Variants in PHKB observed in about 807,000 individuals in gnomAD.
PHKB encodes phosphorylase kinase regulatory subunit beta.
A neutral mutation model predicts 152.1 loss-of-function variants in PHKB; 122 were observed. The ratio of observed to expected loss-of-function variants is 0.80; its 90% CI spans 0.69 to 0.93. PHKB has a LOEUF of 0.93. PHKB is among the 40% of genes least tolerant of loss of function. The pLI, the probability that PHKB is intolerant of heterozygous loss-of-function variation, is 0.00. For missense variants in PHKB, 1,304 were observed against 1,328.4 expected (o/e 0.98, Z 0.29); for synonymous variants, 436 against 464.9 (o/e 0.94, Z 0.80).
intron 6 of PHKB, 101 bp from the exon 7 acceptor site, chr16:47,547,332 C>T: frequency 2.7e-6 from 2 of 733,778 alleles, no homozygotes; most frequent in South Asian, 1.4e-5. Context: ...AATCCCTCCC[C>T]TCAGCCTCCC....
intron 14 of PHKB, among the ~76,000 whole-genome samples, chr16:47,634,621 G>C (rs1362169696): frequency 1.3e-5 from 2 of 152,310 alleles, no homozygotes; most frequent in Middle Eastern, 3.4e-3. Flanking sequence ...TATGTGGCAG[G>C]GATGATGGTT....
chr16:47,613,792 T>C (rs1016334356), intron 14 of PHKB, among the ~76,000 whole-genome samples: 1 of 152,196 alleles, frequency 6.6e-6, no homozygotes, highest in Non-Finnish European at 1.5e-5. Context: ...TCTTAACCCG[T>C]TGCAACTACT....
chr16:47,591,936 A>T (rs1349633181), intron 10 of PHKB, among the ~76,000 whole-genome samples: 1 of 152,160 alleles, frequency 6.6e-6, no homozygotes, highest in Admixed American at 6.5e-5. Context: ...GGTTTAGGCT[A>T]GTGGATCTGG....
chr16:47,601,704 CA>C lies in PHKB; in HGVS notation c.1363+5187del, dbSNP rs764159055. Reference sequence around the variant, plus strand: ...TGGGTGACAGAGCAAGACTCCATCTCAAAAAAAAAAAAAACTGACTTCTAGA... The same window carrying C: ...TGGGTGACAGAGCAAGACTCCATCTCAAAAAAAAAAAAACTGACTTCTAGA... On this transcript the variant is annotated intron_variant, in intron 13 of 30. Coordinates refer to ENST00000323584, the MANE Select transcript of PHKB (RefSeq NM_000293.3). Among the ~76,000 whole-genome samples the C allele has an allele frequency of 6.8e-3, 863 of 126,182 alleles. 5 individuals carry two copies. Among genetic ancestry groups the C allele is most frequent in the African/African-American group, 0.01 (357 of 34,358 alleles). The allele number at this position is 126,182 out of a possible 152,430, so 82.8% of individuals were successfully genotyped here. A position where few individuals can be genotyped will look rare whatever the true frequency, so the allele number is the denominator to read the frequency against.
chr16:47,567,149 T>C (rs188402106), intron 7 of PHKB, among the ~76,000 whole-genome samples: 11 of 152,324 alleles, frequency 7.2e-5, no homozygotes, highest in Admixed American at 7.2e-4. Flanking sequence ...AGTATTTTGA[T>C]AGGAGTTGCA....
At chr16:47,610,159 A>ATTTTTTTTTTTTTTTTTTTTTTTTTT (rs371224839) in intron 13 of PHKB, among the ~76,000 whole-genome samples, 1 of 99,444 alleles carries the variant, frequency 1.0e-5, no homozygotes, top group Non-Finnish European at 1.9e-5. Flanking sequence ...TGCCCAGCTA[A>ATTTTTTTTTTTTTTTTTTTTTTTTTT]TTTTTTTTTT....
chr16:47,641,619 CA>C lies in PHKB; in HGVS notation c.1536del (p.Tyr513MetfsTer11). ...ESQRLQVFLN[T>X]YGIQTQTPQQ... is the part of the protein sequence containing the mutation. ...TTTAGACTTCAAGTTTTTCTGAACA[CA>C]TATGGTATTCAAACTCAAACTCCTC... is the stretch of plus-strand genomic sequence containing the variant. On this transcript the variant is annotated frameshift_variant, in exon 16 of 31. Transcript: ENST00000323584. LOFTEE classifies it high-confidence loss of function. 6.3e-7 allele frequency: 1 copy of C among 1,592,718 alleles called. No homozygotes were observed. The highest frequency in any genetic ancestry group is 8.6e-7 in the Non-Finnish European group (1 of 1,160,472).
intron 1 of PHKB, among the ~76,000 whole-genome samples, chr16:47,491,506 A>G (rs1970150079): frequency 6.6e-6 from 1 of 152,200 alleles, no homozygotes; most frequent in Non-Finnish European, 1.5e-5. Context: ...AAAAGGTACC[A>G]TAGCTTTTAT....
intron 14 of PHKB, among the ~76,000 whole-genome samples, chr16:47,635,974 A>T (rs1022643850): frequency 3.3e-5 from 5 of 152,218 alleles, no homozygotes; most frequent in African/African-American, 1.2e-4. Flanking sequence ...AACAACATTC[A>T]AGATACTGTG....
In PHKB at chr16:47,593,571, T is replaced by C; in HGVS notation, c.1126+14T>C. ...TGATGATTGATGGTAAGTAAGCTTT[T>C]TCCTGAAATTTAAGCAAGCTTTTTC... On this transcript the variant is annotated intron_variant, in intron 11 of 30. Transcript: ENST00000323584. 1 of 1,410,198 alleles carries C rather than the reference T, an allele frequency of 7.1e-7. No homozygotes were observed. The highest frequency in any genetic ancestry group is 1.4e-5 in the African/African-American group (1 of 70,898). 87.4% of individuals were successfully genotyped at this position (1,410,198 alleles called of 1,614,324 possible).
chr16:47,553,840 C>G (rs1971317845), intron 7 of PHKB, among the ~76,000 whole-genome samples: 1 of 152,146 alleles, frequency 6.6e-6, no homozygotes, highest in African/African-American at 2.4e-5. Flanking sequence ...CACTCCAGAC[C>G]CTGTTTGCCT....
intron 27 of PHKB, among the ~76,000 whole-genome samples, chr16:47,691,170 C>G (rs1283026739): frequency 6.6e-6 from 1 of 152,136 alleles, no homozygotes; most frequent in Non-Finnish European, 1.5e-5. Context: ...TGAGGTACAT[C>G]TTACAAAATA....
At chr16:47,571,273 C>T (rs573195097) in intron 7 of PHKB, among the ~76,000 whole-genome samples, 56 of 152,268 alleles carry the variant, frequency 3.7e-4, no homozygotes, top group African/African-American at 1.3e-3. Flanking sequence ...CAGTAGGAGG[C>T]ACCCATGGGT....
intron 6 of PHKB, among the ~76,000 whole-genome samples, chr16:47,541,508 AC>A (rs1971058440): frequency 1.3e-5 from 2 of 152,338 alleles, no homozygotes; most frequent in African/African-American, 4.8e-5. Context: ...TTGGGAATAT[AC>A]CCAGTAATGG....
intron 1 of PHKB, among the ~76,000 whole-genome samples, chr16:47,474,729 T>G (rs1181281010): frequency 2.8e-5 from 4 of 144,732 alleles, no homozygotes; most frequent in Non-Finnish European, 4.6e-5. Context: ...TATTTTCTTG[T>G]TTTTTTTTTT....
intron 14 of PHKB, among the ~76,000 whole-genome samples, chr16:47,626,226 G>A (rs1005549962): frequency 2.0e-5 from 3 of 152,196 alleles, no homozygotes; most frequent in Non-Finnish European, 2.9e-5. Flanking sequence ...GTGTGAATCC[G>A]CACTAGAAAC....
intron 7 of PHKB, among the ~76,000 whole-genome samples, chr16:47,579,244 G>A (rs1279096919): frequency 1.3e-5 from 2 of 152,148 alleles, no homozygotes; most frequent in African/African-American, 4.8e-5. Context: ...TGCAATAAAA[G>A]TGATGATTTC....
chr16:47,684,961 C>T (rs563884432), intron 26 of PHKB, among the ~76,000 whole-genome samples: 1 of 152,082 alleles, frequency 6.6e-6, no homozygotes, highest in South Asian at 2.1e-4. Flanking sequence ...TGCTTGTTGG[C>T]GAGTAGAGCA....
intron 1 of PHKB, among the ~76,000 whole-genome samples, chr16:47,484,494 T>C (rs972821955): frequency 6.6e-6 from 1 of 152,212 alleles, no homozygotes; most frequent in African/African-American, 2.4e-5. Flanking sequence ...TGTATGCATA[T>C]ACAAATAATT....
Sources: gnomAD v4.1 joint callset for allele counts (sites outside exome capture counted in the v4.1 genomes callset) on GRCh38, gnomAD v4.1.1 for gene constraint, MANE v1.5 for transcripts, NCBI Gene and HGNC (gene_info 2026-07-23, HGNC 2026-07-21) for gene names.